Variants in LRCH3 observed in about 807,000 individuals in gnomAD.
The protein encoded by LRCH3 is leucine rich repeats and calponin homology domain containing 3, also known as DISP complex protein LRCH3.
In LRCH3, 68 loss-of-function variants were observed where a neutral mutation model predicts 104.5. The observed-to-expected ratio is 0.65, with a 90% confidence interval of 0.54 to 0.80. The LOEUF (loss-of-function observed/expected upper bound fraction) is 0.80. LRCH3 is among the 30% of genes least tolerant of loss of function. The pLI is 0.00. For synonymous variants in LRCH3, 344 were observed against 361.3 expected, an observed-to-expected ratio of 0.95 and a Z score of 0.54; for missense variants, 951 against 953.9, an observed-to-expected ratio of 1.00 and a Z score of 0.04.
intron 19 of LRCH3, among the ~76,000 whole-genome samples, chr3:197,873,449 G>A (rs1712473759): frequency 6.6e-6 from 1 of 152,164 alleles, no homozygotes; most frequent in Admixed American, 6.5e-5. Context: ...CAAGGAGGGA[G>A]TGTCGTGTGG....
intron 10 of LRCH3, among the ~76,000 whole-genome samples, chr3:197,842,333 C>T (rs192594071): frequency 1.1e-4 from 16 of 152,244 alleles, no homozygotes; most frequent in Admixed American, 7.9e-4. Flanking sequence ...TCAAAATTCC[C>T]GCACTCCTGG....
At chr3:197,863,405 GCGC>G (rs1350501671) in intron 15 of LRCH3, among the ~76,000 whole-genome samples, 1 of 152,086 alleles carries the variant, frequency 6.6e-6, no homozygotes, top group Non-Finnish European at 1.5e-5. Context: ...GGGACTACAG[GCGC>G]CACCACCATG....
At chr3:197,882,645 T>A (rs1346244157) in intron 20 of LRCH3, 4 of 977,302 alleles carry the variant, frequency 4.1e-6, no homozygotes, top group African/African-American at 3.5e-5. Context: ...TTTTGGAATA[T>A]TTAATCTTAA....
At chr3:197,833,363 C>A (rs921804251) in intron 8 of LRCH3, among the ~76,000 whole-genome samples, 4 of 7,342 alleles carry the variant, frequency 5.4e-4, no homozygotes, top group Admixed American at 2.1e-3. Context: ...CTACTAAAAA[C>A]CGAAAAAAAA....
chr3:197,822,027 A>G (rs951863649), intron 4 of LRCH3, among the ~76,000 whole-genome samples: 2 of 152,220 alleles, frequency 1.3e-5, no homozygotes, highest in African/African-American at 4.8e-5. Context: ...TGGAATTCAA[A>G]TATTTATACC....
chr3:197,866,231 T>A lies in LRCH3; in HGVS notation c.1873+12T>A. ...AGAAACCAACAAAGGTAGGTGGTGG[T>A]GATTTTAAAAGCCAGGAGCGAGGGG... On this transcript the variant is annotated intron_variant, in intron 17 of 20. Transcript: ENST00000425562. 6.2e-7 allele frequency: 1 copy of A among 1,603,772 alleles called. No individual in the cohort carries two copies. The highest frequency in any genetic ancestry group is 8.5e-7 in the Non-Finnish European group (1 of 1,170,626).
In LRCH3 at chr3:197,866,102, G is replaced by C; in HGVS notation, c.1766-10G>C. On this transcript the variant is annotated splice_polypyrimidine_tract_variant and intron_variant, in intron 16 of 20. Transcript: ENST00000425562. ...CCTTTAATCTCATTTTATTTTTCAT[G>C]CTAATTTAGTTCATCATTCCCCTGC... 1 of 1,579,740 alleles carries C rather than the reference G, an allele frequency of 6.3e-7. No individual in the cohort carries two copies. The highest frequency in any genetic ancestry group is 8.7e-7 in the Non-Finnish European group (1 of 1,149,366).
At chr3:197,847,285 C>G in intron 10 of LRCH3, 124 bp from the exon 11 acceptor site, 1 of 829,882 alleles carries the variant, frequency 1.2e-6, no homozygotes, top group Non-Finnish European at 1.9e-6. Flanking sequence ...TCAATGCTAA[C>G]TAGGCAGTTT....
intron 15 of LRCH3, among the ~76,000 whole-genome samples, chr3:197,861,882 C>G (rs553885081): frequency 2.0e-5 from 3 of 152,274 alleles, no homozygotes; most frequent in African/African-American, 7.2e-5. Flanking sequence ...ATGCAAGTCA[C>G]TTAGATTTAT....
In LRCH3 at chr3:197,883,589, C is replaced by T; in HGVS notation, c.2257C>T (p.Gln753Ter). 5.9e-6 allele frequency: 9 copies of T among 1,535,996 alleles called. No individual in the cohort carries two copies. The highest frequency in any genetic ancestry group is 7.8e-6 in the Non-Finnish European group (9 of 1,146,858). ...CATTTTAGAAGAGAAAGGTTTGAGC[C>T]AGGTTGCAGTGACGGTCCAGGCTCT... ...LHILEEKGLS[Q>*]VAVTVQALLE... The change falls in exon 21 of 21, where the codon CAG becomes TAG. Residue 753 changes from glutamine to a stop codon, truncating the protein, a stop_gained. Coordinates refer to ENST00000425562, the MANE Select transcript of LRCH3 (RefSeq NM_001365715.1). LOFTEE classifies it high-confidence loss of function. The surrounding 1 kb of genome is among the most constrained non-coding windows in gnomAD (Gnocchi z 4.2).
chr3:197,851,810 AG>A (rs1739637731), intron 12 of LRCH3, among the ~76,000 whole-genome samples: 1 of 152,114 alleles, frequency 6.6e-6, no homozygotes, highest in Non-Finnish European at 1.5e-5. Context: ...ATCACTGAAG[AG>A]GGTGAAAAAA....
chr3:197,880,040 G>A (rs191298399), intron 20 of LRCH3, among the ~76,000 whole-genome samples: 9,296 of 148,580 alleles, frequency 0.063, 1,050 homozygotes, highest in African/African-American at 0.22. Context: ...CCGCCTCCCG[G>A]GTTCCCGCCA....
chr3:197,844,148 A>G (rs910418349), intron 10 of LRCH3, among the ~76,000 whole-genome samples: 3 of 152,214 alleles, frequency 2.0e-5, no homozygotes, highest in African/African-American at 4.8e-5. Context: ...GGTGTATTCA[A>G]GAAACACCCA....
intron 1 of LRCH3, among the ~76,000 whole-genome samples, chr3:197,796,017 T>A (rs1183201948): frequency 1.3e-5 from 2 of 152,012 alleles, no homozygotes; most frequent in Admixed American, 6.6e-5. Flanking sequence ...AAAAAGGTCC[T>A]GACTAATACA....
intron 12 of LRCH3, among the ~76,000 whole-genome samples, chr3:197,849,156 C>G (rs1197420766): frequency 1.3e-5 from 2 of 150,768 alleles, no homozygotes; most frequent in South Asian, 2.1e-4. Context: ...CCCAGCTAAC[C>G]AGGAGGCTGA....
intron 10 of LRCH3, among the ~76,000 whole-genome samples, chr3:197,846,544 T>TAA (rs74615885): frequency 8.8e-5 from 12 of 135,868 alleles, no homozygotes; most frequent in African/African-American, 3.2e-4. Flanking sequence ...ACAGAAAAAT[T>TAA]AAAAAAAAAA....
chr3:197,812,851 C>T (rs1275980534), intron 1 of LRCH3, among the ~76,000 whole-genome samples: 1 of 152,136 alleles, frequency 6.6e-6, no homozygotes, highest in African/African-American at 2.4e-5. Flanking sequence ...CGCAGGCCAC[C>T]ACACCCAACC....
chr3:197,847,308 TAGAA>T, intron 10 of LRCH3, 97 bp from the exon 11 acceptor site: 1 of 1,118,760 alleles, frequency 8.9e-7, no homozygotes, highest in African/African-American at 1.6e-5. Flanking sequence ...TACTGATTAA[TAGAA>T]AGCTACATTT....
intron 5 of LRCH3, 83 bp downstream of exon 5, chr3:197,827,097 GA>G: frequency 6.4e-7 from 1 of 1,572,216 alleles, no homozygotes; most frequent in Non-Finnish European, 8.7e-7. Context: ...AACCATAGTG[GA>G]AGCATCAGGT....
Sources: allele counts gnomAD v4.1 joint callset (sites outside exome capture counted in the v4.1 genomes callset), GRCh38; gene constraint gnomAD v4.1.1; non-coding constraint Gnocchi (gnomAD v3.1); transcripts MANE v1.5; gene names NCBI Gene and HGNC (gene_info 2026-07-23, HGNC 2026-07-21).